LRRIQ3: variants seen among roughly 807,000 people sequenced by gnomAD.
The protein encoded by LRRIQ3 is leucine rich repeats and IQ motif containing 3, also known as leucine-rich repeat and IQ domain-containing protein 3.
LRRIQ3 carries 75 observed loss-of-function variants against 59.3 expected under a neutral mutation model. The ratio of observed to expected loss-of-function variants is 1.26; its 90% CI spans 1.05 to 1.53. The LOEUF is 1.53. Among genes scored for constraint, LRRIQ3 ranks in the 40% most tolerant of loss-of-function variants. The pLI is 0.00. For missense variants in LRRIQ3, 831 were observed against 710.0 expected (o/e 1.17, Z -1.94); for synonymous variants, 250 against 231.3 (o/e 1.08, Z -0.73).
chr1:74,179,320 C>T (rs1464614906), intron 3 of LRRIQ3, among the ~76,000 whole-genome samples: 2 of 151,840 alleles, frequency 1.3e-5, no homozygotes, highest in Non-Finnish European at 2.9e-5. Flanking sequence ...CATTTTATGT[C>T]ACAATTAAGG....
At chr1:74,136,914 T>C (rs1647133453) in intron 4 of LRRIQ3, among the ~76,000 whole-genome samples, 1 of 152,000 alleles carries the variant, frequency 6.6e-6, no homozygotes, top group African/African-American at 2.4e-5. Flanking sequence ...CTGAACCTCA[T>C]AACGGTTCTT....
intron 6 of LRRIQ3, among the ~76,000 whole-genome samples, chr1:74,049,753 AT>A (rs1438346971): frequency 2.0e-5 from 3 of 152,064 alleles, no homozygotes; most frequent in Non-Finnish European, 4.4e-5. Context: ...TCATATTCAA[AT>A]TGTTTATATT....
chr1:74,089,478 G>A (rs1296621293), intron 5 of LRRIQ3, among the ~76,000 whole-genome samples: 1 of 151,996 alleles, frequency 6.6e-6, no homozygotes, highest in Non-Finnish European at 1.5e-5. Flanking sequence ...AAAAATAAAT[G>A]AATTGTTGAT....
intron 4 of LRRIQ3, among the ~76,000 whole-genome samples, chr1:74,116,207 T>G (rs192792604): frequency 1.3e-5 from 2 of 151,900 alleles, no homozygotes; most frequent in Admixed American, 1.3e-4. Context: ...ACCAAAAGAA[T>G]AAAAAATAAA....
intron 5 of LRRIQ3, among the ~76,000 whole-genome samples, chr1:74,080,950 T>C (rs1646267427): frequency 6.6e-6 from 1 of 151,478 alleles, no homozygotes; most frequent in Non-Finnish European, 1.5e-5. Flanking sequence ...AGAAAAACCA[T>C]GGAGAAAGGA....
chr1:74,179,755 T>C (rs1649866949), intron 3 of LRRIQ3, among the ~76,000 whole-genome samples: 1 of 151,982 alleles, frequency 6.6e-6, no homozygotes, highest in Non-Finnish European at 1.5e-5. Context: ...TTCAAACAGA[T>C]TTCTTTAAAT....
chr1:74,084,128 A>C, intron 5 of LRRIQ3: 12 of 1,533,336 alleles, frequency 7.8e-6, no homozygotes, highest in Non-Finnish European at 1.1e-5. Flanking sequence ...CCAATGAATG[A>C]TGTGCATAAT....
Position 74,182,744 on chromosome 1 carries a change from T to C in LRRIQ3, c.367A>G (p.Thr123Ala). The change falls in exon 3 of 8, where the codon ACC (threonine) becomes GCC (alanine). Residue 123 changes from threonine (T) to alanine (A), a missense_variant. Physicochemically the swap from Thr to Ala is moderately conservative, Grantham distance 58 (BLOSUM62 0). Transcript: ENST00000354431. Reference sequence around the variant, plus strand: ...TCAAACATAGTGAGGGCAATGAGGGTTGGACAGGCAGATAATACACATATA... The same window carrying C: ...TCAAACATAGTGAGGGCAATGAGGGCTGGACAGGCAGATAATACACATATA... ...KNICVLSACP[T>A]LIALTMFDCP... 6.2e-7 allele frequency: 1 copy of C among 1,612,550 alleles called. No individual in the cohort carries two copies. The highest frequency in any genetic ancestry group is 8.5e-7 in the Non-Finnish European group (1 of 1,178,886).
intron 3 of LRRIQ3, chr1:74,180,195 T>C (rs1218587377): frequency 2.0e-5 from 3 of 151,846 alleles, no homozygotes; most frequent in African/African-American, 7.2e-5. Context: ...CCAATATGTT[T>C]TTTTCTTTTC....
intron 4 of LRRIQ3, 174 bp downstream of exon 4, chr1:74,155,559 A>C: frequency 2.4e-6 from 1 of 416,134 alleles, no homozygotes; most frequent in Non-Finnish European, 4.2e-6. Flanking sequence ...GATTATGTTA[A>C]ATATTATATT....
At chr1:74,187,510 T>C (rs749695737) in intron 1 of LRRIQ3, among the ~76,000 whole-genome samples, 2 of 152,028 alleles carry the variant, frequency 1.3e-5, no homozygotes, top group Non-Finnish European at 2.9e-5. Context: ...TCATAAGTTC[T>C]CACATATAAG....
intron 6 of LRRIQ3, among the ~76,000 whole-genome samples, chr1:74,074,297 T>C (rs2100478934): frequency 6.6e-6 from 1 of 152,228 alleles, no homozygotes; most frequent in Middle Eastern, 3.4e-3. Context: ...AGAGAATACA[T>C]AGAGAAAAGT....
chr1:74,039,327 TA>T (rs998860491), intron 7 of LRRIQ3, among the ~76,000 whole-genome samples: 8 of 150,746 alleles, frequency 5.3e-5, no homozygotes, highest in South Asian at 2.1e-4. Flanking sequence ...TGGGACTATG[TA>T]AAAAAAAATG....
At position 74,042,008 on chromosome 1, in the gene LRRIQ3, A is replaced by G. The variant is rs1049639658; in HGVS notation, c.998-75T>C. On this transcript the variant is annotated intron_variant, in intron 6 of 7. Transcript: ENST00000354431. The stretch of plus-strand genomic sequence containing the variant: ...TTTTATTTTCTCTCCAAATATATCA[A>G]TAAACTTGATAAGAACCTTTTATTT... The G allele has an allele frequency of 3.0e-5, 40 of 1,344,646 alleles. No homozygotes were observed. In the African/African-American group the frequency reaches 3.8e-4, roughly 13 times the overall value. The allele number at this position is 1,344,646 out of a possible 1,614,324, so 83.3% of individuals were successfully genotyped here.
intron 4 of LRRIQ3, among the ~76,000 whole-genome samples, chr1:74,129,348 C>T (rs950171247): frequency 1.3e-5 from 2 of 151,994 alleles, no homozygotes; most frequent in African/African-American, 4.8e-5. Flanking sequence ...GAAGTCTCTC[C>T]CTGTAACTAT....
intron 6 of LRRIQ3, among the ~76,000 whole-genome samples, chr1:74,047,436 C>A (rs1037275648): frequency 6.6e-6 from 1 of 152,008 alleles, no homozygotes; most frequent in Non-Finnish European, 1.5e-5. Flanking sequence ...ATACTGGGAC[C>A]TGTTGGGGTG....
At chr1:74,132,267 T>C (rs1385648787) in intron 4 of LRRIQ3, among the ~76,000 whole-genome samples, 1 of 152,162 alleles carries the variant, frequency 6.6e-6, no homozygotes, top group African/African-American at 2.4e-5. Context: ...ACGGATAGGA[T>C]GAATCAATAT....
rs34325293 is a variant in LRRIQ3 at position 74,056,146 on chromosome 1, A to AAAATAAAT, written c.998-14221_998-14214dup. 2.4e-3 allele frequency among the ~76,000 whole-genome samples: 345 copies of AAAATAAAT among 142,668 alleles called. 2 individuals are homozygous for AAAATAAAT. Among genetic ancestry groups the AAAATAAAT allele is most frequent in the Middle Eastern group, 0.014 (4 of 284 alleles). The allele number at this position is 142,668 out of a possible 152,430, so 93.6% of individuals were successfully genotyped here. On this transcript the variant is annotated intron_variant, in intron 6 of 7. Transcript: ENST00000354431. ...GGTGACAGAGTGAGAATCTGTCTCA[A>AAAATAAAT]AAATAAATAAATAAATAAATAAATA...
At chr1:74,119,911 C>T (rs1646828575) in intron 4 of LRRIQ3, among the ~76,000 whole-genome samples, 1 of 151,982 alleles carries the variant, frequency 6.6e-6, no homozygotes, top group South Asian at 2.1e-4. Context: ...TTTTCCTTCT[C>T]TGGAACTTTA....
Sources: gnomAD v4.1 joint callset for allele counts (sites outside exome capture counted in the v4.1 genomes callset) on GRCh38, gnomAD v4.1.1 for gene constraint, MANE v1.5 for transcripts, NCBI Gene and HGNC (gene_info 2026-07-23, HGNC 2026-07-21) for gene names.